Variants in DDOST observed in about 807,000 individuals in gnomAD.
DDOST encodes the protein dolichyl-diphosphooligosaccharide--protein glycosyltransferase non-catalytic subunit.
DDOST carries 25 observed loss-of-function variants against 47.6 expected under a neutral mutation model. The ratio of observed to expected loss-of-function variants is 0.53; its 90% confidence interval spans 0.38 to 0.73. The LOEUF (loss-of-function observed/expected upper bound fraction) is 0.73, where lower values mean the gene tolerates loss of function less well. Among genes scored for constraint, DDOST ranks in the 30% least tolerant of loss-of-function variants. The pLI is 0.00. For missense variants in DDOST, 526 were observed against 573.9 expected, an observed-to-expected ratio of 0.92 and a Z score of 0.85; for synonymous variants, 275 against 236.0, an observed-to-expected ratio of 1.17 and a Z score of -1.51.
In DDOST at chr1:20,653,781, G is replaced by C. The variant is rs770571110; in HGVS notation, c.795-7C>G. 2 of 1,610,872 alleles carry C rather than the reference G, an allele frequency of 1.2e-6. No homozygotes were observed. Among genetic ancestry groups the C allele is most frequent in the African/African-American group, 2.7e-5 (2 of 74,874 alleles). On this transcript the variant is annotated splice_polypyrimidine_tract_variant and splice_region_variant and intron_variant, in intron 7 of 10. Coordinates refer to ENST00000602624, the MANE Select transcript of DDOST (RefSeq NM_005216.5). ...GTTGCCTGTCTGGGAATACCTGCAG[G>C]AGGGAAACAGGAGCAGCTTGGGCAC... is the stretch of plus-strand genomic sequence containing the variant.
At position 20,653,424 on chromosome 1, in the gene DDOST, CTT is replaced by C. The variant is rs1207738233; in HGVS notation, c.942+201_942+202del. On this transcript the variant is annotated intron_variant, in intron 8 of 10. Coordinates refer to ENST00000602624, the MANE Select transcript of DDOST (RefSeq NM_005216.5). ...CCCCCCATAGCAAATACACACACCTCTTCAAAAGAAGTGCTCCTATTAGGACA... is the reference window on the plus strand; with the variant it reads ...CCCCCCATAGCAAATACACACACCTCCAAAAGAAGTGCTCCTATTAGGACA... 5.3e-5 allele frequency among the ~76,000 whole-genome samples: 8 copies of C among 152,250 alleles called. No homozygotes were observed. In the South Asian group the frequency reaches 6.2e-4, roughly 12 times the overall value.
rs1020375060 is a variant in DDOST at position 20,652,262 on chromosome 1, C to T, written c.*117G>A. On this transcript the variant is annotated 3_prime_UTR_variant, in exon 11 of 11. Transcript: ENST00000602624. ...TTGGCTCTCAGTGTTGCATCTCCCA[C>T]AGAGGTAAAGTTGTGCCATTTTCCC... The T allele has an allele frequency of 1.6e-5, 17 of 1,072,862 alleles. No homozygotes were observed. Among genetic ancestry groups the T allele is most frequent in the Non-Finnish European group, 2.1e-5 (16 of 777,834 alleles). 66.5% of individuals were successfully genotyped at this position (1,072,862 alleles called of 1,614,324 possible).
intron 5 of DDOST, 114 bp from the exon 6 acceptor site, chr1:20,654,821 C>T: frequency 1.4e-6 from 1 of 705,608 alleles, no homozygotes; most frequent in South Asian, 1.6e-5. Context: ...AATTGCCAAC[C>T]ACTTAGCTCT....
At chr1:20,655,831 C>T (rs1250646881) in intron 3 of DDOST, 52 bp from the exon 4 acceptor site, 1 of 1,484,266 alleles carries the variant, frequency 6.7e-7, no homozygotes, top group Non-Finnish European at 9.4e-7. Context: ...GGGCCTTGGG[C>T]CAAGTGTCCT....
At position 20,652,473 on chromosome 1, in the gene DDOST, T is replaced by C. The variant is rs749823019; in HGVS notation, c.1226A>G (p.Tyr409Cys). Residue 409 changes from tyrosine to cysteine, a missense_variant, in exon 11 of 11, where the codon TAC becomes TGC. Physicochemically the swap from Tyr to Cys is radical, Grantham distance 194. Transcript: ENST00000602624. Reference sequence around the variant, plus strand: ...GGAGAAGGCGCTGGCGTAGTAGGGGTAGGCCGAGGGGATGAAGCGCTCATA... The same window carrying C: ...GGAGAAGGCGCTGGCGTAGTAGGGGCAGGCCGAGGGGATGAAGCGCTCATA... ...TQYERFIPSA[Y>C]PYYASAFSMM... The C allele has an allele frequency of 8.7e-6, 14 of 1,613,494 alleles. No individual in the cohort carries two copies. The African/African-American group carries it at 9.4e-5, about 11-fold the overall frequency.
In DDOST at chr1:20,654,662, C is replaced by A; in HGVS notation, c.597G>T (p.Thr199=). ...AGAAGGAGTAAGAGGTGGAAGAGCCCGTCAGGATGTCCAGCACCAAAGGGT... is the reference window on the plus strand; with the variant it reads ...AGAAGGAGTAAGAGGTGGAAGAGCCAGTCAGGATGTCCAGCACCAAAGGGT... ...PDNPLVLDIL[T]GSSTSYSFFP... The change falls in exon 6 of 11, where the codon ACG becomes ACT. Residue 199 remains threonine (T), a synonymous_variant. Transcript: ENST00000602624. The A allele has an allele frequency of 6.4e-7, 1 of 1,564,622 alleles. No homozygotes were observed. Among genetic ancestry groups the A allele is most frequent in the East Asian group, 2.4e-5 (1 of 42,228 alleles).
chr1:20,660,044 AAAG>A (rs1438497418), intron 2 of DDOST, among the ~76,000 whole-genome samples: 1 of 152,216 alleles, frequency 6.6e-6, no homozygotes, highest in Non-Finnish European at 1.5e-5. Context: ...TGAAGCAAAT[AAAG>A]AAGAGAATGA....
intron 8 of DDOST, 150 bp from the exon 9 acceptor site, chr1:20,653,121 C>T: frequency 1.2e-6 from 1 of 840,084 alleles, no homozygotes; most frequent in African/African-American, 1.7e-5. Context: ...CCACCCGGCC[C>T]TGATCAGTAA....
In DDOST at chr1:20,652,140, A is replaced by AAAT. The variant is rs913508091; in HGVS notation, c.*236_*238dup. On this transcript the variant is annotated 3_prime_UTR_variant, in exon 11 of 11. Coordinates refer to ENST00000602624, the MANE Select transcript of DDOST (RefSeq NM_005216.5). ...GTGCCTGGCCACGTCCCTATTTTAG[A>AAAT]AATGAGAGGAGTGACTGCACATAGG... 2.6e-6 allele frequency: 1 copy of AAAT among 384,294 alleles called. No homozygotes were observed. Among genetic ancestry groups the AAAT allele is most frequent in the East Asian group, 4.9e-5 (1 of 20,408 alleles). The allele number at this position is 384,294 out of a possible 1,614,324, so 23.8% of individuals were successfully genotyped here. A position where few individuals can be genotyped will look rare whatever the true frequency, so the allele number is the denominator to read the frequency against.
Position 20,654,385 on chromosome 1 carries a change from G to A in DDOST, c.646-14C>T, listed in dbSNP as rs543407020. On this transcript the variant is annotated splice_polypyrimidine_tract_variant and intron_variant, in intron 6 of 10. Transcript: ENST00000602624. ...CGCATGTGGATACTGGGAACAAAAC[G>A]AGGCTGTGACCCAAGCAGTTCCAAG... 40 of 1,556,882 alleles carry A rather than the reference G, an allele frequency of 2.6e-5. No individual in the cohort carries two copies. The highest frequency in any genetic ancestry group is 2.7e-5 in the African/African-American group (2 of 73,412).
rs1218315421 is a variant in DDOST at position 20,654,264 on chromosome 1, G to C, written c.753C>G (p.Phe251Leu). 1 of 1,551,716 alleles carries C rather than the reference G, an allele frequency of 6.4e-7. No individual in the cohort carries two copies. The highest frequency in any genetic ancestry group is 1.4e-5 in the African/African-American group (1 of 73,176). Residue 251 changes from phenylalanine (F) to leucine (L), a missense_variant, in exon 7 of 11, where the codon TTC becomes TTG. Coordinates refer to ENST00000602624, the MANE Select transcript of DDOST (RefSeq NM_005216.5). ...SGSLDFFSDS[F>L]FNSAVQKAAP... is the part of the protein sequence containing the mutation. ...CCGCCTTCTGCACTGCTGAGTTGAAGAAGGAGTCGCTGAAGAAGTCGAGGG... is the reference window on the plus strand; with the variant it reads ...CCGCCTTCTGCACTGCTGAGTTGAACAAGGAGTCGCTGAAGAAGTCGAGGG...
intron 2 of DDOST, among the ~76,000 whole-genome samples, chr1:20,659,219 C>T (rs1421619880): frequency 2.0e-5 from 3 of 151,124 alleles, no homozygotes; most frequent in African/African-American, 7.3e-5. Flanking sequence ...GTTATTAGCA[C>T]AGGAGATACG....
At chr1:20,660,839 G>A (rs1557574652) in intron 2 of DDOST, 42 bp downstream of exon 2, 1 of 1,180,330 alleles carries the variant, frequency 8.5e-7, no homozygotes, top group Admixed American at 1.7e-5. Context: ...ATCAAGTCCC[G>A]GGTCTCGAAT....
chr1:20,659,792 C>T (rs1372906939), intron 2 of DDOST, among the ~76,000 whole-genome samples: 1 of 152,104 alleles, frequency 6.6e-6, no homozygotes, highest in African/African-American at 2.4e-5. Flanking sequence ...GAAGCCATGT[C>T]CCAGTTATTC....
At position 20,655,745 on chromosome 1, in the gene DDOST, C is replaced by T. The variant is rs1355333555; in HGVS notation, c.387G>A (p.Gly129=). 3 of 1,614,152 alleles carry T rather than the reference C, an allele frequency of 1.9e-6. No homozygotes were observed. The highest frequency in any genetic ancestry group is 2.5e-6 in the Non-Finnish European group (3 of 1,180,020). Residue 129 remains glycine (G), a synonymous_variant, in exon 4 of 11, where the codon GGG becomes GGA. Transcript: ENST00000602624. Reference sequence around the variant, plus strand: ...CCGTTTTCTCCTCGTCAAACTCAATCCCGCACTCACTGCCCAGCTCTCGAA... The same window carrying T: ...CCGTTTTCTCCTCGTCAAACTCAATTCCGCACTCACTGCCCAGCTCTCGAA... The part of the protein sequence containing the change: ...DPLRELGSEC[G]IEFDEEKTAV...
intron 2 of DDOST, among the ~76,000 whole-genome samples, chr1:20,660,064 T>C (rs10916846): frequency 0.067 from 10,142 of 152,170 alleles, 357 homozygotes; most frequent in South Asian, 0.081. Flanking sequence ...ATGACTAACA[T>C]GCTCACCAAA....
chr1:20,661,122 G>A, intron 1 of DDOST, 75 bp downstream of exon 1: 2 of 1,534,918 alleles, frequency 1.3e-6, no homozygotes, highest in Non-Finnish European at 1.8e-6. Flanking sequence ...GGAGAGGGAA[G>A]GAGAGTGGTC....
rs387906831 is a variant in DDOST, at chr1:20,654,660, C to T, written c.599G>A (p.Gly200Asp). 1 of 1,565,018 alleles carries T rather than the reference C, an allele frequency of 6.4e-7. No homozygotes were observed. Among genetic ancestry groups the T allele is most frequent in the Non-Finnish European group, 8.7e-7 (1 of 1,153,614 alleles). ...GAAGAAGGAGTAAGAGGTGGAAGAG[C>T]CCGTCAGGATGTCCAGCACCAAAGG... The part of the protein sequence containing the change: ...DNPLVLDILT[G>D]SSTSYSFFPD... The change falls in exon 6 of 11, where the codon GGC becomes GAC. Residue 200 changes from glycine (G) to aspartate (D), a missense_variant. Physicochemically the swap from Gly to Asp is moderately conservative, Grantham distance 94. Coordinates refer to ENST00000602624, the MANE Select transcript of DDOST (RefSeq NM_005216.5).
intron 2 of DDOST, among the ~76,000 whole-genome samples, chr1:20,658,328 C>T (rs976008106): frequency 2.6e-5 from 4 of 152,256 alleles, no homozygotes; most frequent in Non-Finnish European, 5.9e-5. Flanking sequence ...CCAGCACTCA[C>T]TCACCTGAGA....
Sources: gnomAD v4.1 joint callset for allele counts (sites outside exome capture counted in the v4.1 genomes callset) on GRCh38, gnomAD v4.1.1 for gene constraint, MANE v1.5 for transcripts, NCBI Gene and HGNC (gene_info 2026-07-23, HGNC 2026-07-21) for gene names.